The following STRN4 variants were observed in gnomAD, a reference collection of about 807,000 sequenced individuals.
STRN4 encodes the protein striatin-4.
Under a neutral mutation model 77.9 loss-of-function variants are expected in STRN4, and 27 were observed. That is an observed-to-expected ratio of 0.35 (90% CI 0.26 to 0.48). The LOEUF is 0.48. STRN4 is among the 20% of genes least tolerant of loss of function. The pLI is 0.99. For synonymous variants in STRN4, 466 were observed against 443.1 expected (o/e 1.05, Z -0.65); for missense variants, 798 against 1,049.7 (o/e 0.76, Z 3.31).
intron 9 of STRN4, 38 bp from the exon 10 acceptor site, chr19:46,725,686 C>A: frequency 1.2e-6 from 2 of 1,604,010 alleles, no homozygotes; most frequent in South Asian, 1.1e-5. Context: ...TCTTCGCATC[C>A]ATCCCAGCAG....
rs1053066326 is a variant in STRN4, at chr19:46,741,857, C to T, written c.283-2969G>A. The stretch of plus-strand genomic sequence containing the variant: ...TTTCGTGCCATCTAGCCCTGCATCT[C>T]CTAAGGGCCTCCTTCCCAAGCTTCA... On this transcript the variant is annotated intron_variant, in intron 1 of 17. Transcript: ENST00000263280. This position sits in a 1 kb window ranked among gnomAD's most constrained non-coding sequence, Gnocchi z 4.9. 2.0e-5 allele frequency among the ~76,000 whole-genome samples: 3 copies of T among 152,250 alleles called. No homozygotes were observed. Among genetic ancestry groups the T allele is most frequent in the African/African-American group, 7.2e-5 (3 of 41,466 alleles).
chr19:46,730,611 G>T, intron 6 of STRN4, 121 bp downstream of exon 6: 1 of 1,447,620 alleles, frequency 6.9e-7, no homozygotes, highest in South Asian at 1.3e-5. Context: ...CAGGGCCTGT[G>T]TGTCTCCATA....
chr19:46,733,473 C>T lies in STRN4; in HGVS notation c.540-237G>A, dbSNP rs914639984. On this transcript the variant is annotated intron_variant, in intron 4 of 17. Coordinates refer to ENST00000263280, the MANE Select transcript of STRN4 (RefSeq NM_013403.3). The surrounding 1 kb of genome is among the most constrained non-coding windows in gnomAD (Gnocchi z 4.3). The stretch of plus-strand genomic sequence containing the variant: ...CTCCCTGCACTGCTGTATGGGGAAG[C>T]CGAAGCACAGGGACCAGCCTCAGCA... 5.8e-6 allele frequency: 3 copies of T among 520,902 alleles called. No homozygotes were observed. Among genetic ancestry groups the T allele is most frequent in the Admixed American group, 6.9e-5 (2 of 28,828 alleles). The allele number at this position is 520,902 out of a possible 1,614,324, so 32.3% of individuals were successfully genotyped here.
rs2054417713 is a variant in STRN4 at position 46,738,727 on chromosome 19, C to G, written c.386+58G>C. ...GGAAGGAGGCGTGGCTGGTGGCCTCCTGACACTGTGCTTGAGACGGACCCA... is the reference window on the plus strand; with the variant it reads ...GGAAGGAGGCGTGGCTGGTGGCCTCGTGACACTGTGCTTGAGACGGACCCA... On this transcript the variant is annotated intron_variant, in intron 2 of 17. Coordinates refer to ENST00000263280, the MANE Select transcript of STRN4 (RefSeq NM_013403.3). The surrounding 1 kb of genome is among the most constrained non-coding windows in gnomAD (Gnocchi z 4.5). The G allele has an allele frequency of 2.5e-6, 4 of 1,572,984 alleles. No individual in the cohort carries two copies. The highest frequency in any genetic ancestry group is 3.5e-6 in the Non-Finnish European group (4 of 1,143,706).
chr19:46,744,927 C>T (rs1156719639), intron 1 of STRN4, among the ~76,000 whole-genome samples: 1 of 152,020 alleles, frequency 6.6e-6, no homozygotes, highest in African/African-American at 2.4e-5. Flanking sequence ...GGTCACAAAC[C>T]CTAGCCCAAC....
In STRN4 at chr19:46,745,830, T is replaced by TCAGTCC. The variant is rs752325357; in HGVS notation, c.282+313_282+318dup. On this transcript the variant is annotated intron_variant, in intron 1 of 17. Coordinates refer to ENST00000263280, the MANE Select transcript of STRN4 (RefSeq NM_013403.3). ...CTCAGGAGCCCCGCGGCCAGCGTGC[T>TCAGTCC]CAGTCCCAGTCCCAGTCCCACTCCC... 262 of 241,940 alleles carry TCAGTCC rather than the reference T, an allele frequency of 1.1e-3. 1 individual carries two copies. The highest frequency in any genetic ancestry group is 3.2e-3 in the Admixed American group (56 of 17,356). 15.0% of individuals were successfully genotyped at this position (241,940 alleles called of 1,614,324 possible).
chr19:46,737,133 C>T (rs1024854231), intron 3 of STRN4, among the ~76,000 whole-genome samples: 2 of 152,108 alleles, frequency 1.3e-5, no homozygotes, highest in South Asian at 4.1e-4. Flanking sequence ...TGGCCCCCGA[C>T]AAGATAAGGG....
At chr19:46,742,318 ACAGGTACCAAG>A (rs2054489281) in intron 1 of STRN4, among the ~76,000 whole-genome samples, 1 of 152,004 alleles carries the variant, frequency 6.6e-6, no homozygotes, top group Admixed American at 6.6e-5. Context: ...CATTCAACAC[ACAGGTACCAAG>A]CAGGGTCGCA....
chr19:46,746,188 G>A lies in STRN4; in HGVS notation c.243C>T (p.Ala81=). Residue 81 remains alanine, a synonymous_variant, in exon 1 of 18, where the codon GCC becomes GCT. Transcript: ENST00000263280. Reference sequence around the variant, plus strand: ...GCTCGGCCTCCCAGCGGGCTTTCTCGGCTTCGAAGCGCGCCCACTCGTGCT... The same window carrying A: ...GCTCGGCCTCCCAGCGGGCTTTCTCAGCTTCGAAGCGCGCCCACTCGTGCT... The part of the protein sequence containing the change: ...FIQHEWARFE[A]EKARWEAERA... 1 of 1,539,358 alleles carries A rather than the reference G, an allele frequency of 6.5e-7. No individual in the cohort carries two copies. The highest frequency in any genetic ancestry group is 8.7e-7 in the Non-Finnish European group (1 of 1,151,184).
rs760937786 is a variant in STRN4, at chr19:46,728,757, C to T, written c.900G>A (p.Val300=). The change falls in exon 7 of 18, where the codon GTG becomes GTA. Residue 300 remains valine, a synonymous_variant. Transcript: ENST00000263280. The part of the protein sequence containing the change: ...QRVKLPSKAL[V]PEMEDEDEED... ...CCTCATCCTCGTCTTCCATTTCGGG[C>T]ACCAGAGCCTTGGATGGGAGCTGGC... 1 of 1,614,178 alleles carries T rather than the reference C, an allele frequency of 6.2e-7. No individual in the cohort carries two copies. Among genetic ancestry groups the T allele is most frequent in the Non-Finnish European group, 8.5e-7 (1 of 1,179,986 alleles).
At chr19:46,725,973 G>A (rs2054103637) in intron 9 of STRN4, 2 of 283,702 alleles carry the variant, frequency 7.0e-6, no homozygotes, top group African/African-American at 2.2e-5. Flanking sequence ...CCATGAGCAG[G>A]GCAATGAATT....
chr19:46,730,759 G>A lies in STRN4; in HGVS notation c.852C>T (p.Ser284=), dbSNP rs773399839. 23 of 1,612,620 alleles carry A rather than the reference G, an allele frequency of 1.4e-5. No individual in the cohort carries two copies. Among genetic ancestry groups the A allele is most frequent in the Middle Eastern group, 3.6e-4 (2 of 5,632 alleles). Residue 284 remains serine (S), a synonymous_variant, in exon 6 of 18, where the codon AGC becomes AGT. Transcript: ENST00000263280. ...EDSDEDDELD[S]VQHKKQRVKL... is the part of the protein sequence containing the mutation. The stretch of plus-strand genomic sequence containing the variant: ...TCACACGCTGCTTCTTGTGCTGCAC[G>A]CTGTCCAGCTCATCGTCCTCGTCGC...
chr19:46,720,388 C>G (rs2053948728), intron 17 of STRN4, 50 bp from the exon 18 acceptor site: 1 of 505,994 alleles, frequency 2.0e-6, no homozygotes, highest in Non-Finnish European at 3.1e-6. Context: ...TCTAGGGCGC[C>G]TCTAAGGCCT....
intron 1 of STRN4, among the ~76,000 whole-genome samples, chr19:46,743,904 AAAAAAT>A (rs908130654): frequency 3.3e-5 from 5 of 151,840 alleles, no homozygotes; most frequent in Non-Finnish European, 7.4e-5. Context: ...CTCTGTCTCA[AAAAAAT>A]AAAAATAAAA....
chr19:46,731,087 CG>C (rs1568397869), intron 5 of STRN4, among the ~76,000 whole-genome samples: 1 of 152,214 alleles, frequency 6.6e-6, no homozygotes, highest in Non-Finnish European at 1.5e-5. Flanking sequence ...AGACCGCAAA[CG>C]GGGCCCAGCT....
intron 4 of STRN4, chr19:46,736,552 CAAA>C (rs777686904): frequency 0.013 from 635 of 48,920 alleles, no homozygotes; most frequent in Middle Eastern, 0.024. Flanking sequence ...GCCACTGAGA[CAAA>C]AAAAAAAAAA....
At chr19:46,730,896 G>C (rs752044768) in intron 5 of STRN4, 23 bp from the exon 6 acceptor site, 1 of 1,607,844 alleles carries the variant, frequency 6.2e-7, no homozygotes, top group Non-Finnish European at 8.5e-7. Flanking sequence ...GCAGAGCAGA[G>C]GAGGCATGAG....
rs751050236 is a variant in STRN4 at position 46,727,517 on chromosome 19, C to T, written c.1183G>A (p.Gly395Arg). 11 of 1,613,862 alleles carry T rather than the reference C, an allele frequency of 6.8e-6. No homozygotes were observed. Among genetic ancestry groups the T allele is most frequent in the Admixed American group, 1.7e-5 (1 of 59,984 alleles). The change falls in exon 9 of 18, where the codon GGG becomes AGG. Residue 395 changes from glycine to arginine, a missense_variant. Physicochemically the swap from Gly to Arg is moderately radical, Grantham distance 125. This residue lies in a region of STRN4 where 511 missense variants were observed against 575.9 expected (regional missense o/e 0.89). Transcript: ENST00000263280. The stretch of plus-strand genomic sequence containing the variant: ...GCCAAGTCCCCCAGGCTCACCTCCC[C>T]GCCCCCGATAGTGTCCATGATGAAG... ...DVFIMDTIGGGEVSLGDLADL... is the reference protein window; with the variant it reads ...DVFIMDTIGGREVSLGDLADL...
chr19:46,730,620 T>C (rs2054226114), intron 6 of STRN4, 112 bp downstream of exon 6: 2 of 1,493,756 alleles, frequency 1.3e-6, no homozygotes, highest in Non-Finnish European at 1.8e-6. Flanking sequence ...TGTGTCTCCA[T>C]ATCCCTGCTG....
Sources: allele counts gnomAD v4.1 joint callset (sites outside exome capture counted in the v4.1 genomes callset), GRCh38; gene constraint gnomAD v4.1.1; regional missense constraint gnomAD v4.1.1; non-coding constraint Gnocchi (gnomAD v3.1); transcripts MANE v1.5; gene names NCBI Gene and HGNC (gene_info 2026-07-23, HGNC 2026-07-21).